FAT1: variants seen among roughly 807,000 people sequenced by gnomAD.
The protein encoded by FAT1 is FAT atypical cadherin 1, also known as protocadherin Fat 1.
In FAT1, 171 loss-of-function variants were observed where a neutral mutation model predicts 329.8. That is an observed-to-expected ratio of 0.52 (90% CI 0.46 to 0.59). The LOEUF is 0.59. Among genes scored for constraint, FAT1 ranks in the 20% least tolerant of loss-of-function variants. FAT1 has a pLI of 0.00. For synonymous variants in FAT1, 2,233 were observed against 2,228.6 expected, an observed-to-expected ratio of 1.00 and a Z score of -0.06; for missense variants, 5,672 against 5,774.4, an observed-to-expected ratio of 0.98 and a Z score of 0.57.
At position 186,600,132 on chromosome 4, in the gene FAT1, G is replaced by C. The variant is rs750085546; in HGVS notation, c.11869C>G (p.Arg3957Gly). ...CTTCCATGCCTTGTTCCCTGCTGAC[G>C]GATGTGGCCACCAAAAAACACATAG... The part of the protein sequence containing the change: ...DNYVFFGGHI[R>G]QQGTRHGRSP... Residue 3957 changes from arginine (R) to glycine (G), a missense_variant, in exon 22 of 27, where the codon CGT (arginine) becomes GGT (glycine). This residue lies in a region of FAT1 where 1,706 missense variants were observed against 1,859.1 expected (regional missense o/e 0.92). Coordinates refer to ENST00000441802, the MANE Select transcript of FAT1 (RefSeq NM_005245.4). The C allele has an allele frequency of 6.2e-7, 1 of 1,614,022 alleles. No individual in the cohort carries two copies. Among genetic ancestry groups the C allele is most frequent in the South Asian group, 1.1e-5 (1 of 91,088 alleles).
At chr4:186,691,779 G>C (rs1743773432) in intron 2 of FAT1, among the ~76,000 whole-genome samples, 1 of 152,120 alleles carries the variant, frequency 6.6e-6, no homozygotes, top group African/African-American at 2.4e-5. Flanking sequence ...CTGTACTCCA[G>C]TCTGAGAAAG....
At position 186,663,517 on chromosome 4, in the gene FAT1, G is replaced by C. The variant is rs1351156198; in HGVS notation, c.3362C>G (p.Ser1121Trp). Residue 1121 changes from serine to tryptophan, a missense_variant, in exon 3 of 27, where the codon TCG (serine) becomes TGG (tryptophan). Physicochemically the swap from Ser to Trp is radical, Grantham distance 177. Coordinates refer to ENST00000441802, the MANE Select transcript of FAT1 (RefSeq NM_005245.4). ...AACCTCTATGTAGATCTCTATGAAC[G>C]ATGAAAGAGGCACGACACCCTGATC... ...ATDQGVVPLS[S>W]FIEIYIEVED... The C allele has an allele frequency of 1.2e-6, 2 of 1,613,756 alleles. No individual in the cohort carries two copies. The highest frequency in any genetic ancestry group is 1.3e-5 in the African/African-American group (1 of 74,866).
At chr4:186,656,511 C>G (rs1741910511) in intron 3 of FAT1, among the ~76,000 whole-genome samples, 1 of 152,202 alleles carries the variant, frequency 6.6e-6, no homozygotes, top group Non-Finnish European at 1.5e-5. Flanking sequence ...CCATTTAAAA[C>G]AAGTGATAGA....
chr4:186,693,089 A>G (rs1462469479), intron 2 of FAT1, among the ~76,000 whole-genome samples: 1 of 152,222 alleles, frequency 6.6e-6, no homozygotes, highest in Non-Finnish European at 1.5e-5. Context: ...TTAAATGGAA[A>G]TGTGCTAAAA....
chr4:186,710,682 A>G (rs1744906622), intron 1 of FAT1, among the ~76,000 whole-genome samples: 1 of 152,164 alleles, frequency 6.6e-6, no homozygotes, highest in Non-Finnish European at 1.5e-5. Context: ...AGTTGTTCAC[A>G]GAATGTCTCC....
At chr4:186,718,163 A>C (rs1452817834) in intron 1 of FAT1, among the ~76,000 whole-genome samples, 1 of 152,168 alleles carries the variant, frequency 6.6e-6, no homozygotes, top group Non-Finnish European at 1.5e-5. Context: ...AAGAAAACGG[A>C]AATCTTCAGG....
In FAT1 at chr4:186,708,852, C is replaced by A. The variant is rs2126699580; in HGVS notation, c.976G>T (p.Asp326Tyr). The A allele has an allele frequency of 6.2e-7, 1 of 1,613,938 alleles. No individual in the cohort carries two copies. Among genetic ancestry groups the A allele is most frequent in the East Asian group, 2.2e-5 (1 of 44,864 alleles). ...KVKAIGGIDW[D>Y]SHPFGYNLTL... ...AGATTGTAGCCGAAAGGATGACTGT[C>A]CCAATCAATGCCACCGATGGCTTTG... The change falls in exon 2 of 27, where the codon GAC (aspartate) becomes TAC (tyrosine). Residue 326 changes from aspartate to tyrosine, a missense_variant. This residue lies in a region of FAT1 where 3,966 missense variants were observed against 3,915.2 expected (regional missense o/e 1.01). Transcript: ENST00000441802.
Position 186,633,726 on chromosome 4 carries a change from G to A in FAT1, c.4281C>T (p.Leu1427=). The part of the protein sequence containing the change: ...LDAEQKSNYN[L]TVEATDGTTT... ...TGGTTCCATCTGTAGCCTCGACTGTGAGGTTGTAGTTTGACTTCTGTTCTG... is the reference window on the plus strand; with the variant it reads ...TGGTTCCATCTGTAGCCTCGACTGTAAGGTTGTAGTTTGACTTCTGTTCTG... The change falls in exon 7 of 27, where the codon CTC becomes CTT. Residue 1427 remains leucine (L), a synonymous_variant. Transcript: ENST00000441802. The A allele has an allele frequency of 1.2e-6, 2 of 1,613,948 alleles. No homozygotes were observed. Among genetic ancestry groups the A allele is most frequent in the South Asian group, 1.1e-5 (1 of 91,080 alleles).
rs2126684398 is a variant in FAT1 at position 186,706,962 on chromosome 4, A to C, written c.2866T>G (p.Leu956Val). The C allele has an allele frequency of 6.2e-7, 1 of 1,613,878 alleles. No homozygotes were observed. Among genetic ancestry groups the C allele is most frequent in the Non-Finnish European group, 8.5e-7 (1 of 1,179,862 alleles). Reference protein sequence around the residue: ...IMWLEAHDPDLGQSGQVRYSL... With the variant: ...IMWLEAHDPDVGQSGQVRYSL... ...TATCTCACCTGACCAGACTGACCTA[A>C]ATCAGGATCGTGGGCTTCTAACCAC... Residue 956 changes from leucine (L) to valine (V), a missense_variant, in exon 2 of 27, where the codon TTA becomes GTA. By Grantham distance (32) the Leu-to-Val change is conservative (BLOSUM62 1). This residue lies in a region of FAT1 where 3,966 missense variants were observed against 3,915.2 expected (regional missense o/e 1.01). Transcript: ENST00000441802.
rs2126500626 is a variant in FAT1 at position 186,618,948 on chromosome 4, T to G, written c.7638A>C (p.Gly2546=). 6.2e-7 allele frequency: 1 copy of G among 1,613,966 alleles called. No individual in the cohort carries two copies. The stretch of plus-strand genomic sequence containing the variant: ...CAAGTTTTTCCAAAGTAAATATCTG[T>G]CCTCTCTCATTTATGTAAAATCTGT... ...AKDRFYINER[G]QIFTLEKLDR... Residue 2546 remains glycine, a synonymous_variant, in exon 10 of 27, where the codon GGA becomes GGC. Coordinates refer to ENST00000441802, the MANE Select transcript of FAT1 (RefSeq NM_005245.4).
chr4:186,695,133 G>A (rs1743963788), intron 2 of FAT1, among the ~76,000 whole-genome samples: 1 of 152,148 alleles, frequency 6.6e-6, no homozygotes, highest in Non-Finnish European at 1.5e-5. Context: ...AACAAAAATA[G>A]ATCCTACTAA....
chr4:186,697,936 T>A (rs1295809168), intron 2 of FAT1, among the ~76,000 whole-genome samples: 1 of 152,138 alleles, frequency 6.6e-6, no homozygotes, highest in Non-Finnish European at 1.5e-5. Context: ...TTGAATCAAA[T>A]CACTGTCTCT....
chr4:186,594,535 T>C (rs1738401648), intron 26 of FAT1, among the ~76,000 whole-genome samples: 1 of 150,794 alleles, frequency 6.6e-6, no homozygotes, highest in Admixed American at 6.6e-5. Flanking sequence ...CATAATTCTA[T>C]CTTGTTGGTT....
chr4:186,613,692 G>T (rs908478654), intron 12 of FAT1, among the ~76,000 whole-genome samples: 3 of 151,832 alleles, frequency 2.0e-5, no homozygotes, highest in Admixed American at 6.6e-5. Flanking sequence ...TCTTTAGGAA[G>T]AAAATAAAAA....
rs774009046 is a variant in FAT1 at position 186,619,900 on chromosome 4, A to G, written c.6686T>C (p.Ile2229Thr). Residue 2229 changes from isoleucine (I) to threonine (T), a missense_variant, in exon 10 of 27, where the codon ATT becomes ACT. Ile to Thr is a moderately conservative substitution (Grantham distance 89). Transcript: ENST00000441802. ...TDGDPFSQFT[I>T]NFNTGVINVI... ...ATTGATAACTCCAGTATTGAAGTTA[A>G]TAGTGAACTGGCTGAAAGGGTCTCC... The G allele has an allele frequency of 5.0e-6, 8 of 1,614,036 alleles. No homozygotes were observed. The South Asian group carries it at 5.5e-5, about 11-fold the overall frequency.
At chr4:186,624,277 T>C (rs1165096872) in intron 9 of FAT1, among the ~76,000 whole-genome samples, 5 of 152,088 alleles carry the variant, frequency 3.3e-5, no homozygotes, top group African/African-American at 1.2e-4. Flanking sequence ...AACAGGCTAA[T>C]TTTTACTCTT....
chr4:186,663,635 G>A (rs1161710452), intron 2 of FAT1, 22 bp from the exon 3 acceptor site: 11 of 1,570,664 alleles, frequency 7.0e-6, no homozygotes, highest in East Asian at 2.3e-5. Context: ...AAAGAAAAGC[G>A]TAAAGCAGCA....
rs761510545 is a variant in FAT1, at chr4:186,621,664, T to A, written c.4922A>T (p.Asp1641Val). Reference protein sequence around the residue: ...AEYDLMVKATDKGSPPMSEIT... With the variant: ...AEYDLMVKATVKGSPPMSEIT... ...TTCACTCATTGGTGGACTGCCCTTA[T>A]CTGTAGCTTTTACCATTAAATCATA... The change falls in exon 10 of 27, where the codon GAT (aspartate) becomes GTT (valine). Residue 1641 changes from aspartate (D) to valine (V), a missense_variant. Asp to Val is a radical substitution (Grantham distance 152). Around this residue, in one of 2 missense-constraint regions of FAT1, gnomAD observed 3,966 missense variants for 3,915.2 expected, o/e 1.01. Transcript: ENST00000441802. 1.2e-6 allele frequency: 2 copies of A among 1,614,026 alleles called. No homozygotes were observed. The highest frequency in any genetic ancestry group is 1.7e-5 in the Admixed American group (1 of 60,026).
chr4:186,663,956 T>C (rs1447425554), intron 2 of FAT1, among the ~76,000 whole-genome samples: 1 of 152,168 alleles, frequency 6.6e-6, no homozygotes, highest in African/African-American at 2.4e-5. Context: ...TAAGAGATCA[T>C]CTAATGGCCC....
Sources: gnomAD v4.1 joint callset for allele counts (sites outside exome capture counted in the v4.1 genomes callset) on GRCh38, gnomAD v4.1.1 for gene constraint, gnomAD v4.1.1 regional missense constraint, MANE v1.5 for transcripts, NCBI Gene and HGNC (gene_info 2026-07-23, HGNC 2026-07-21) for gene names.